Variants in CDC45 observed in about 807,000 individuals in gnomAD.
The protein encoded by CDC45 is cell division cycle 45.
In CDC45, 54 loss-of-function variants were observed where a neutral mutation model predicts 77.8. That is an observed-to-expected ratio of 0.69 (90% CI 0.56 to 0.87). The LOEUF (loss-of-function observed/expected upper bound fraction) is 0.87. Ranked by LOEUF, CDC45 falls within the 40% of genes least tolerant of loss-of-function variation. The probability of loss-of-function intolerance (pLI) is 0.00; values close to 1 mark genes in which losing one functional copy is unlikely to be tolerated. For missense variants in CDC45, 649 were observed against 721.6 expected, an observed-to-expected ratio of 0.90 and a Z score of 1.15; for synonymous variants, 260 against 272.1, an observed-to-expected ratio of 0.96 and a Z score of 0.44.
chr22:19,480,863 T>C (rs1187338786), intron 2 of CDC45, 90 bp from the exon 3 acceptor site: 1 of 786,362 alleles, frequency 1.3e-6, no homozygotes, highest in Non-Finnish European at 2.1e-6. Context: ...GTCTTTTGTC[T>C]CTCAACCCGT....
chr22:19,479,881 C>T (rs759977295), upstream of CDC45: 12 of 1,345,294 alleles, frequency 8.9e-6, no homozygotes, highest in Non-Finnish European at 1.2e-5. Flanking sequence ...CTGGACCAAT[C>T]GGAGGAGCCG....
chr22:19,513,211 G>T (rs1389418321), intron 13 of CDC45, among the ~76,000 whole-genome samples: 1 of 152,182 alleles, frequency 6.6e-6, no homozygotes, highest in African/African-American at 2.4e-5. Flanking sequence ...GCCTTACTTT[G>T]CTCTTCAGTG....
intron 13 of CDC45, among the ~76,000 whole-genome samples, chr22:19,512,196 C>T (rs1933553532): frequency 6.6e-6 from 1 of 152,148 alleles, no homozygotes; most frequent in South Asian, 2.1e-4. Flanking sequence ...TTTAACAGGA[C>T]CCCTTGCTCA....
chr22:19,508,394 C>T (rs1292633091), intron 12 of CDC45, 136 bp from the exon 13 acceptor site: 6 of 927,814 alleles, frequency 6.5e-6, no homozygotes, highest in South Asian at 1.5e-5. Flanking sequence ...TGACCTGCCT[C>T]ATCCTCTGAG....
At chr22:19,494,498 T>G in intron 6 of CDC45, 116 bp downstream of exon 6, 1 of 1,555,408 alleles carries the variant, frequency 6.4e-7, no homozygotes. Flanking sequence ...TTTAGAACCT[T>G]TGGGCCAGTG....
intron 3 of CDC45, among the ~76,000 whole-genome samples, chr22:19,482,035 T>C (rs1334926666): frequency 6.6e-6 from 1 of 152,208 alleles, no homozygotes; most frequent in Non-Finnish European, 1.5e-5. Flanking sequence ...CAGGAATAAA[T>C]TTAAACAATA....
chr22:19,506,608 G>A (rs1469681288), intron 10 of CDC45, among the ~76,000 whole-genome samples: 3 of 152,296 alleles, frequency 2.0e-5, no homozygotes, highest in South Asian at 4.1e-4. Context: ...CTGCGCTCAC[G>A]GTGCCAGGGG....
At chr22:19,518,797 G>C in intron 17 of CDC45, 47 bp from the exon 18 acceptor site, 1 of 1,521,900 alleles carries the variant, frequency 6.6e-7, no homozygotes, top group Non-Finnish European at 9.1e-7. Flanking sequence ...CCTGTCTTGT[G>C]TTCCCACTCC....
At chr22:19,492,515 G>A (rs150034199) in intron 5 of CDC45, among the ~76,000 whole-genome samples, 9 of 151,774 alleles carry the variant, frequency 5.9e-5, no homozygotes, top group African/African-American at 2.2e-4. Flanking sequence ...TGTTTCAATC[G>A]TTTGTCATTG....
At chr22:19,504,933 T>C (rs1252104549) in intron 9 of CDC45, 1 of 186,102 alleles carries the variant, frequency 5.4e-6, no homozygotes, top group Non-Finnish European at 1.1e-5. Context: ...CACGCCGACC[T>C]AGTGACTGAT....
At chr22:19,483,515 T>C (rs1194291115) in intron 4 of CDC45, among the ~76,000 whole-genome samples, 2 of 152,236 alleles carry the variant, frequency 1.3e-5, no homozygotes, top group East Asian at 1.9e-4. Flanking sequence ...CACATCTTCA[T>C]GTCCTATATC....
intron 8 of CDC45, among the ~76,000 whole-genome samples, chr22:19,498,289 A>G (rs116958355): frequency 0.011 from 1,736 of 152,372 alleles, 17 homozygotes; most frequent in Non-Finnish European, 0.018. Flanking sequence ...CAATTGTGCC[A>G]TCGTACTCCA....
intron 8 of CDC45, 121 bp downstream of exon 8, chr22:19,497,568 A>T: frequency 1.2e-6 from 1 of 803,728 alleles, no homozygotes; most frequent in South Asian, 1.5e-5. Context: ...TGTCAGATGC[A>T]GCCCCTTTCT....
chr22:19,487,309 AAAG>A (rs1286115345), intron 5 of CDC45, among the ~76,000 whole-genome samples: 2 of 151,538 alleles, frequency 1.3e-5, no homozygotes, highest in Admixed American at 6.6e-5. Context: ...AAAAAAAAAA[AAAG>A]AAATATTTAT....
At chr22:19,496,105 G>A (rs1303567544) in intron 7 of CDC45, 76 bp downstream of exon 7, 21 of 1,011,046 alleles carry the variant, frequency 2.1e-5, no homozygotes, top group South Asian at 4.0e-5. Flanking sequence ...AAGAAGAAAC[G>A]TAGATTTTAG....
At chr22:19,492,757 G>A (rs2090172164) in intron 5 of CDC45, among the ~76,000 whole-genome samples, 1 of 152,110 alleles carries the variant, frequency 6.6e-6, no homozygotes, top group South Asian at 2.1e-4. Context: ...TCTCTGACAC[G>A]GCTCAAGCAA....
chr22:19,483,962 G>A lies in CDC45; in HGVS notation c.443G>A (p.Ser148Asn), dbSNP rs145708400. ...GATGAAGAGCATTCAGGAAATGACA[G>A]TGATGGGTCAGAGCCTTCTGAGAAG... is the stretch of plus-strand genomic sequence containing the variant. ...EEDEEHSGND[S>N]DGSEPSEKRT... is the part of the protein sequence containing the mutation. Residue 148 changes from serine (S) to asparagine (N), a missense_variant, in exon 5 of 19, where the codon AGT (serine) becomes AAT (asparagine). Physicochemically the swap from Ser to Asn is conservative, Grantham distance 46. Transcript: ENST00000263201. The A allele has an allele frequency of 1.4e-5, 23 of 1,613,608 alleles. No homozygotes were observed. In the African/African-American group the frequency reaches 2.0e-4, roughly 14 times the overall value.
chr22:19,496,887 C>CCCT (rs148918528), intron 7 of CDC45, among the ~76,000 whole-genome samples: 7,138 of 152,180 alleles, frequency 0.047, 222 homozygotes, highest in Middle Eastern at 0.15. Flanking sequence ...GTGCTGAGGC[C>CCCT]CCTCCCTCTT....
intron 5 of CDC45, among the ~76,000 whole-genome samples, chr22:19,485,659 T>C (rs1296609882): frequency 6.6e-6 from 1 of 152,256 alleles, no homozygotes; most frequent in East Asian, 1.9e-4. Context: ...GAATTTGTGT[T>C]TGTAAATGTT....
Sources: gnomAD v4.1 joint callset for allele counts (sites outside exome capture counted in the v4.1 genomes callset) on GRCh38, gnomAD v4.1.1 for gene constraint, MANE v1.5 for transcripts, NCBI Gene and HGNC (gene_info 2026-07-23, HGNC 2026-07-21) for gene names.